Variants in EIF6 observed in about 807,000 individuals in gnomAD.
EIF6 encodes the protein eukaryotic translation initiation factor 6.
Under a neutral mutation model 25.5 loss-of-function variants are expected in EIF6, and 10 were observed. The observed-to-expected ratio is 0.39, with a 90% CI of 0.24 to 0.66. The LOEUF (loss-of-function observed/expected upper bound fraction) is 0.66, where lower values mean the gene tolerates loss of function less well. EIF6 is among the 30% of genes least tolerant of loss of function. The pLI, the probability that EIF6 is intolerant of heterozygous loss-of-function variation, is 0.45. For missense variants in EIF6, 246 were observed against 315.4 expected, an observed-to-expected ratio of 0.78 and a Z score of 1.67; for synonymous variants, 122 against 122.6, an observed-to-expected ratio of 1.00 and a Z score of 0.03.
At chr20:35,280,143 A>C (rs1031425727) in intron 4 of EIF6, 25 bp from the exon 5 acceptor site, 4 of 1,609,800 alleles carry the variant, frequency 2.5e-6, no homozygotes, top group Non-Finnish European at 3.4e-6. Flanking sequence ...TATTGTGTTC[A>C]GGGCTCAGAA....
rs1357409977 is a variant in EIF6, at chr20:35,279,347, C to A, written c.729-141G>T. On this transcript the variant is annotated intron_variant, in intron 6 of 6. Transcript: ENST00000374450. ...CAGCTACTGCTCTAGTATCCTAGCC[C>A]TGAAAAACCACAAAGATGAGGATTA... 7 of 1,316,890 alleles carry A rather than the reference C, an allele frequency of 5.3e-6. No individual in the cohort carries two copies. In the East Asian group the frequency reaches 1.5e-4, roughly 27 times the overall value. The allele number at this position is 1,316,890 out of a possible 1,614,324, so 81.6% of individuals were successfully genotyped here. A position where few individuals can be genotyped will look rare whatever the true frequency, so the allele number is the denominator to read the frequency against.
In EIF6 at chr20:35,279,112, A is replaced by T; in HGVS notation, c.*85T>A. ...GTGAGCTCTCTGCCACCTCCCTGCC[A>T]GCATCCGGTACAGATTGGGCGGAAT... On this transcript the variant is annotated 3_prime_UTR_variant, in exon 7 of 7. Coordinates refer to ENST00000374450, the MANE Select transcript of EIF6 (RefSeq NM_002212.4). 1 of 1,583,062 alleles carries T rather than the reference A, an allele frequency of 6.3e-7. No homozygotes were observed.
intron 4 of EIF6, among the ~76,000 whole-genome samples, 170 bp from the exon 5 acceptor site, chr20:35,280,288 T>A (rs572512189): frequency 6.6e-6 from 1 of 152,194 alleles, no homozygotes; most frequent in African/African-American, 2.4e-5. Context: ...TAGAGCAGAG[T>A]CAAGGGCAGC....
intron 6 of EIF6, 73 bp downstream of exon 6, chr20:35,279,493 A>T: frequency 6.3e-7 from 1 of 1,575,002 alleles, no homozygotes; most frequent in Non-Finnish European, 8.6e-7. Context: ...TCTAGATGAC[A>T]TCTTTTCCCC....
chr20:35,281,459 T>C (rs2060775413), intron 3 of EIF6, among the ~76,000 whole-genome samples: 2 of 152,138 alleles, frequency 1.3e-5, no homozygotes, highest in South Asian at 4.1e-4. Context: ...AGATTATTAT[T>C]TTTTAAGGCA....
intron 4 of EIF6, 123 bp downstream of exon 4, chr20:35,280,531 C>A: frequency 8.4e-7 from 1 of 1,196,030 alleles, no homozygotes; most frequent in Non-Finnish European, 1.2e-6. Flanking sequence ...GTACCTGAAA[C>A]TCAAGAGCCC....
In EIF6 at chr20:35,284,217, G is replaced by C. The variant is rs1339686462; in HGVS notation, c.152C>G (p.Ala51Gly). ...GATGATGCGGCAGCCGGCGATAGAC[G>C]CGTGCACCACGGGGATGGTATCGGA... Reference protein sequence around the residue: ...ELSDTIPVVHASIAGCRIIGR... With the variant: ...ELSDTIPVVHGSIAGCRIIGR... Residue 51 changes from alanine to glycine, a missense_variant, in exon 3 of 7, where the codon GCG becomes GGG. Physicochemically the swap from Ala to Gly is moderately conservative, Grantham distance 60 (BLOSUM62 0). Transcript: ENST00000374450. 8 of 1,605,108 alleles carry C rather than the reference G, an allele frequency of 5.0e-6. No homozygotes were observed. In the East Asian group the frequency reaches 1.8e-4, roughly 36 times the overall value.
chr20:35,280,478 T>C (rs2060764655), intron 4 of EIF6, among the ~76,000 whole-genome samples, 176 bp downstream of exon 4: 1 of 152,208 alleles, frequency 6.6e-6, no homozygotes, highest in Non-Finnish European at 1.5e-5. Flanking sequence ...CCCCAGCTTC[T>C]TTCTGACACT....
At chr20:35,280,242 T>C (rs1180626281) in intron 4 of EIF6, 124 bp from the exon 5 acceptor site, 3 of 1,056,338 alleles carry the variant, frequency 2.8e-6, no homozygotes, top group Non-Finnish European at 4.1e-6. Context: ...GTACCTCATA[T>C]GAAAGCCTCA....
chr20:35,284,598 GC>G, intron 1 of EIF6, 106 bp from the exon 2 acceptor site: 2 of 1,342,894 alleles, frequency 1.5e-6, no homozygotes, highest in Non-Finnish European at 2.0e-6. Context: ...CGGCCTCCCG[GC>G]CCCTCCGTCC....
chr20:35,280,958 C>T (rs1156964102), intron 3 of EIF6, 129 bp from the exon 4 acceptor site: 7 of 1,088,214 alleles, frequency 6.4e-6, no homozygotes, highest in Non-Finnish European at 9.2e-6. Flanking sequence ...AGCCCTCCAA[C>T]CCACTGATCT....
intron 1 of EIF6, 59 bp downstream of exon 1, chr20:35,284,667 C>T (rs1182345589): frequency 5.7e-6 from 4 of 703,286 alleles, no homozygotes; most frequent in South Asian, 5.6e-5. Context: ...CTCTGGCCCC[C>T]ACCCCTCCCG....
chr20:35,279,755 G>C lies in EIF6; in HGVS notation c.547-8C>G. On this transcript the variant is annotated splice_region_variant and splice_polypyrimidine_tract_variant and intron_variant, in intron 5 of 6. Transcript: ENST00000374450. ...TCGGTTCACAGTCCCCGCCTGCCAA[G>C]GGATGGGCTCAATGTGAGTCACGGC... 6.2e-7 allele frequency: 1 copy of C among 1,613,938 alleles called. No homozygotes were observed. The highest frequency in any genetic ancestry group is 8.5e-7 in the Non-Finnish European group (1 of 1,179,882).
chr20:35,284,365 G>A lies in EIF6; in HGVS notation c.107+16C>T, dbSNP rs757977684. Reference sequence around the variant, plus strand: ...ACGCCTCCCCGCCACCGTAAGCCCCGGGGCTCCCGCCGCACCTGTAGAAGT... The same window carrying A: ...ACGCCTCCCCGCCACCGTAAGCCCCAGGGCTCCCGCCGCACCTGTAGAAGT... On this transcript the variant is annotated intron_variant, in intron 2 of 6. Coordinates refer to ENST00000374450, the MANE Select transcript of EIF6 (RefSeq NM_002212.4). The A allele has an allele frequency of 6.2e-7, 1 of 1,613,542 alleles. No homozygotes were observed. The highest frequency in any genetic ancestry group is 1.1e-5 in the South Asian group (1 of 91,070).
chr20:35,279,909 G>A (rs373752221), intron 5 of EIF6, 33 bp downstream of exon 5: 26 of 1,605,734 alleles, frequency 1.6e-5, no homozygotes, highest in African/African-American at 9.4e-5. Flanking sequence ...GATCTGCCTC[G>A]GGAGACGGGG....
intron 3 of EIF6, among the ~76,000 whole-genome samples, chr20:35,283,800 C>CAAA (rs57842071): frequency 9.6e-5 from 11 of 115,092 alleles, no homozygotes; most frequent in African/African-American, 3.1e-4. Flanking sequence ...AATCTGGCCT[C>CAAA]AAAAAAAAAA....
Position 35,278,963 on chromosome 20 carries a change from G to T in EIF6, c.*234C>A. The stretch of plus-strand genomic sequence containing the variant: ...TTTAATGGGGTGGCACAGGACAGCA[G>T]AACCCTCAGCCAGCAGCCACAGGGC... On this transcript the variant is annotated 3_prime_UTR_variant, in exon 7 of 7. Transcript: ENST00000374450. 2 of 597,760 alleles carry T rather than the reference G, an allele frequency of 3.3e-6. No homozygotes were observed. The highest frequency in any genetic ancestry group is 6.0e-6 in the Non-Finnish European group (2 of 334,520). 37.0% of individuals were successfully genotyped at this position (597,760 alleles called of 1,614,324 possible).
At chr20:35,279,453 A>C in intron 6 of EIF6, 113 bp downstream of exon 6, 1 of 1,429,494 alleles carries the variant, frequency 7.0e-7, no homozygotes, top group Middle Eastern at 1.8e-4. Context: ...ACACTCGAGA[A>C]GCTACCAGAA....
At chr20:35,280,282 G>A (rs1834880295) in intron 4 of EIF6, among the ~76,000 whole-genome samples, 164 bp from the exon 5 acceptor site, 2 of 152,200 alleles carry the variant, frequency 1.3e-5, no homozygotes, top group African/African-American at 2.4e-5. Context: ...ACAGCTTAGA[G>A]CAGAGTCAAG....
Sources: gnomAD v4.1 joint callset for allele counts (sites outside exome capture counted in the v4.1 genomes callset) on GRCh38, gnomAD v4.1.1 for gene constraint, MANE v1.5 for transcripts, NCBI Gene and HGNC (gene_info 2026-07-23, HGNC 2026-07-21) for gene names.